The following KIAA1217 variants were observed in gnomAD, a reference collection of about 807,000 sequenced individuals.
KIAA1217 encodes KIAA1217.
KIAA1217 carries 88 observed loss-of-function variants against 163.9 expected under a neutral mutation model. The observed-to-expected ratio is 0.54, with a 90% confidence interval of 0.45 to 0.64. The LOEUF is 0.64. KIAA1217 is among the 30% of genes least tolerant of loss of function. The pLI is 0.00. For missense variants in KIAA1217, 2,372 were observed against 2,475.0 expected, an observed-to-expected ratio of 0.96 and a Z score of 0.88; for synonymous variants, 903 against 923.1, an observed-to-expected ratio of 0.98 and a Z score of 0.39.
chr10:23,833,640 G>C (rs1838317805), intron 1 of KIAA1217, among the ~76,000 whole-genome samples: 1 of 151,830 alleles, frequency 6.6e-6, no homozygotes, highest in South Asian at 2.1e-4. Context: ...CTTGTTTACA[G>C]TTTCAATACT....
At chr10:24,380,617 T>C (rs997737002) in intron 2 of KIAA1217, among the ~76,000 whole-genome samples, 14 of 10,258 alleles carry the variant, frequency 1.4e-3, no homozygotes, top group Non-Finnish European at 7.3e-3. Context: ...ACTCTGGCAA[T>C]AAATAAATAA....
intron 1 of KIAA1217, among the ~76,000 whole-genome samples, chr10:24,214,119 T>A (rs2068506759): frequency 6.6e-6 from 1 of 152,310 alleles, no homozygotes; most frequent in African/African-American, 2.4e-5. Context: ...ATTGCATGAC[T>A]GCATTCCAAC....
chr10:23,726,979 CTTTT>C (rs1012125050), intron 1 of KIAA1217, among the ~76,000 whole-genome samples: 38 of 93,406 alleles, frequency 4.1e-4, no homozygotes, highest in African/African-American at 1.7e-3. Flanking sequence ...GTATAGGCCT[CTTTT>C]TTTTTTTTTT....
chr10:24,099,772 A>C (rs1245520730), intron 2 of KIAA1217, among the ~76,000 whole-genome samples: 1 of 112,334 alleles, frequency 8.9e-6, no homozygotes, highest in African/African-American at 3.5e-5. Flanking sequence ...CCGGTGTGTG[A>C]TGTTCCCCTT....
intron 2 of KIAA1217, among the ~76,000 whole-genome samples, chr10:24,082,018 G>A (rs1417970166): frequency 6.6e-6 from 1 of 152,174 alleles, no homozygotes; most frequent in Non-Finnish European, 1.5e-5. Flanking sequence ...GTTAAGATGG[G>A]ACTCAATCTG....
At chr10:24,254,217 T>G (rs1342331494) in intron 2 of KIAA1217, among the ~76,000 whole-genome samples, 1 of 152,210 alleles carries the variant, frequency 6.6e-6, no homozygotes, top group Non-Finnish European at 1.5e-5. Context: ...GACAGGGAGA[T>G]GTTGTGAGTC....
intron 2 of KIAA1217, among the ~76,000 whole-genome samples, chr10:24,092,809 G>T (rs1171257225): frequency 1.3e-5 from 2 of 151,640 alleles, no homozygotes; most frequent in Non-Finnish European, 2.9e-5. Context: ...GAACTGTTTT[G>T]TATCATGGCT....
At position 24,531,870 on chromosome 10, in the gene KIAA1217, G is replaced by C. The variant is rs2073175858; in HGVS notation, c.3123G>C (p.Gly1041=). 6 of 1,607,724 alleles carry C rather than the reference G, an allele frequency of 3.7e-6. No individual in the cohort carries two copies. The highest frequency in any genetic ancestry group is 5.1e-6 in the Non-Finnish European group (6 of 1,176,316). ...PNSEQDLEKL[G]GKSPPPPPPP... ...CGGAACAGGACTTGGAAAAGCTGGGGGGAAAGTCGCCCCCTCCTCCTCCGC... is the reference window on the plus strand; with the variant it reads ...CGGAACAGGACTTGGAAAAGCTGGGCGGAAAGTCGCCCCCTCCTCCTCCGC... The change falls in exon 15 of 21, where the codon GGG becomes GGC. Residue 1041 remains glycine, a synonymous_variant. Transcript: ENST00000376454.
chr10:24,255,393 G>A (rs768856914), intron 2 of KIAA1217: 27 of 339,650 alleles, frequency 7.9e-5, no homozygotes, highest in South Asian at 2.8e-4. Context: ...GAGAATGGAC[G>A]AGCTGGTTGT....
chr10:24,422,735 C>T (rs1366323328), intron 3 of KIAA1217, among the ~76,000 whole-genome samples: 2 of 151,944 alleles, frequency 1.3e-5, no homozygotes, highest in Non-Finnish European at 2.9e-5. Flanking sequence ...TTACTTGAAT[C>T]CCAATTGCAC....
intron 2 of KIAA1217, among the ~76,000 whole-genome samples, chr10:24,260,639 G>T (rs1005496113): frequency 6.6e-6 from 1 of 150,776 alleles, no homozygotes. Context: ...CAGCTCCTTG[G>T]GAAGCTGAGG....
intron 1 of KIAA1217, among the ~76,000 whole-genome samples, chr10:23,837,462 A>C (rs1838531174): frequency 1.3e-5 from 2 of 152,194 alleles, no homozygotes; most frequent in Non-Finnish European, 2.9e-5. Context: ...CATGCACCCC[A>C]AGGACATTCT....
intron 2 of KIAA1217, among the ~76,000 whole-genome samples, chr10:24,300,252 A>G (rs757368463): frequency 2.6e-5 from 4 of 152,232 alleles, no homozygotes; most frequent in Non-Finnish European, 4.4e-5. Context: ...TGAAGAGATC[A>G]CTGCTTAGTC....
chr10:23,982,903 G>A (rs951347579), intron 1 of KIAA1217, among the ~76,000 whole-genome samples: 9 of 151,948 alleles, frequency 5.9e-5, no homozygotes, highest in Non-Finnish European at 1.0e-4. Context: ...AATATCTCAG[G>A]ACTTATGATA....
At chr10:24,030,228 T>C (rs1355340918) in intron 2 of KIAA1217, among the ~76,000 whole-genome samples, 2 of 152,200 alleles carry the variant, frequency 1.3e-5, no homozygotes, top group Non-Finnish European at 2.9e-5. Flanking sequence ...GTCATTGATA[T>C]AGTTTCGCTC....
chr10:23,861,664 A>T (rs542352891), intron 1 of KIAA1217, among the ~76,000 whole-genome samples: 12 of 152,218 alleles, frequency 7.9e-5, no homozygotes, highest in Admixed American at 7.9e-4. Context: ...TGGCTCCATG[A>T]TGGAGAGGCC....
intron 2 of KIAA1217, among the ~76,000 whole-genome samples, chr10:24,168,088 G>A (rs2065444061): frequency 6.6e-6 from 1 of 152,074 alleles, no homozygotes; most frequent in Non-Finnish European, 1.5e-5. Flanking sequence ...AGAACATAAG[G>A]ATTCTAATTC....
chr10:23,729,045 C>G (rs1010532098), intron 1 of KIAA1217, among the ~76,000 whole-genome samples: 3 of 152,204 alleles, frequency 2.0e-5, no homozygotes, highest in African/African-American at 7.2e-5. Flanking sequence ...TTGAATCCAA[C>G]AGTACATAGC....
chr10:24,445,002 C>A (rs2060804798), intron 5 of KIAA1217, among the ~76,000 whole-genome samples: 2 of 152,304 alleles, frequency 1.3e-5, no homozygotes, highest in South Asian at 4.1e-4. Context: ...TTTCTTGGTG[C>A]AATCTATCAG....
Sources: allele counts gnomAD v4.1 joint callset (sites outside exome capture counted in the v4.1 genomes callset), GRCh38; gene constraint gnomAD v4.1.1; transcripts MANE v1.5; gene names NCBI Gene and HGNC (gene_info 2026-07-23, HGNC 2026-07-21).